SPATA24: variants seen among roughly 807,000 people sequenced by gnomAD.
The protein encoded by SPATA24 is spermatogenesis-associated protein 24.
Under a neutral mutation model 28.9 loss-of-function variants are expected in SPATA24, and 21 were observed. That is an observed-to-expected ratio of 0.73 (90% confidence interval 0.52 to 1.05). The LOEUF is 1.05. Among genes scored for constraint, SPATA24 ranks in the 50% least tolerant of loss-of-function variants. SPATA24 has a pLI of 0.00. For synonymous variants in SPATA24, 76 were observed against 89.9 expected, an observed-to-expected ratio of 0.85 and a Z score of 0.88; for missense variants, 215 against 242.9, an observed-to-expected ratio of 0.88 and a Z score of 0.76.
downstream of SPATA24, chr5:139,394,890 C>T (rs749839905): frequency 2.0e-6 from 3 of 1,512,584 alleles, no homozygotes; most frequent in East Asian, 2.6e-5. Flanking sequence ...GCGCGCCCGC[C>T]CCCCGCCCAG....
chr5:139,396,593 GA>G, downstream of SPATA24: 1 of 1,404,190 alleles, frequency 7.1e-7, no homozygotes, highest in Non-Finnish European at 9.3e-7. Context: ...GTTTATATAG[GA>G]AGGGATTAAA....
chr5:139,404,009 C>G lies in SPATA24; in HGVS notation c.52G>C (p.Ala18Pro). The G allele has an allele frequency of 3.2e-6, 5 of 1,551,918 alleles. No homozygotes were observed. The highest frequency in any genetic ancestry group is 4.4e-6 in the Non-Finnish European group (5 of 1,147,056). ...ATCACGTCCCGCAGTTGATCTAAAGCGAGACACACAGATCCTGACCCCGCC... is the reference window on the plus strand; with the variant it reads ...ATCACGTCCCGCAGTTGATCTAAAGGGAGACACACAGATCCTGACCCCGCC... ...SKAGSGSVCL[A>P]LDQLRDVIES... The change falls in exon 1 of 6, where the codon GCT becomes CCT. Residue 18 changes from alanine (A) to proline (P), a missense_variant. By Grantham distance (27) the Ala-to-Pro change is conservative (BLOSUM62 -1). Transcript: ENST00000450845.
intron 1 of SPATA24, 68 bp downstream of exon 1, chr5:139,403,876 G>T: frequency 1.5e-6 from 2 of 1,351,526 alleles, no homozygotes; most frequent in South Asian, 1.3e-5. Flanking sequence ...ATCGGAACAG[G>T]TTCTGGCCCC....
Position 139,397,096 on chromosome 5 carries a change from CT to C in SPATA24, c.432del (p.Glu145ArgfsTer?), listed in dbSNP as rs756182711. 15 of 1,551,886 alleles carry C rather than the reference CT, an allele frequency of 9.7e-6. No individual in the cohort carries two copies. The African/African-American group carries it at 1.9e-4, about 20-fold the overall frequency. On this transcript the variant is annotated frameshift_variant, in exon 5 of 6. Coordinates refer to ENST00000450845, the MANE Select transcript of SPATA24 (RefSeq NM_194296.2). LOFTEE classifies it high-confidence loss of function. ...TGCTGCAACTCTTTAATCTCATTCT[CT>C]TTGCCATTAAGTATATCTTCTTGCT... ...IIKQEDILNG[K>X]ENEIKELQQV...
chr5:139,402,781 T>C, intron 1 of SPATA24, 88 bp from the exon 2 acceptor site: 1 of 963,838 alleles, frequency 1.0e-6, no homozygotes, highest in Non-Finnish European at 1.6e-6. Context: ...GATAACAGGA[T>C]GATGCTCGTG....
At chr5:139,395,116 A>G (rs1758676408), downstream of SPATA24, 1 of 1,382,650 alleles carries the variant, frequency 7.2e-7, no homozygotes, top group Non-Finnish European at 9.4e-7. Flanking sequence ...TCTCCCTCGC[A>G]TTCGCCTCCG....
downstream of SPATA24, chr5:139,394,727 G>A: frequency 6.5e-7 from 1 of 1,531,834 alleles, no homozygotes; most frequent in Non-Finnish European, 8.7e-7. Flanking sequence ...CCGAACAGGG[G>A]TCCGACGCCG....
At chr5:139,392,647 G>A, downstream of SPATA24, 1 of 1,389,736 alleles carries the variant, frequency 7.2e-7, no homozygotes, top group South Asian at 1.7e-5. This position sits in a 1 kb window ranked among gnomAD's most constrained non-coding sequence, Gnocchi z 5.8. Flanking sequence ...TGCTATCCCA[G>A]GGCTCGGGCT....
At chr5:139,393,956 C>T (rs1405629560), downstream of SPATA24, 2 of 1,550,750 alleles carry the variant, frequency 1.3e-6, no homozygotes, top group Non-Finnish European at 1.7e-6. Context: ...ATCCTACACT[C>T]AAAAGGCGGA....
chr5:139,396,614 G>A (rs1356460740), downstream of SPATA24: 2 of 1,442,748 alleles, frequency 1.4e-6, no homozygotes, highest in South Asian at 1.4e-5. Flanking sequence ...ATACCCAAAG[G>A]AAGCGGTGGT....
chr5:139,394,516 A>G, downstream of SPATA24: 2 of 1,453,102 alleles, frequency 1.4e-6, no homozygotes, highest in East Asian at 2.7e-5. Flanking sequence ...AGCCACCTCC[A>G]CACACTCGAA....
downstream of SPATA24, chr5:139,394,262 T>C (rs1307411924): frequency 1.3e-6 from 2 of 1,544,758 alleles, no homozygotes; most frequent in South Asian, 1.2e-5. Context: ...GACCGCCCCG[T>C]GGACCCGAAG....
chr5:139,393,364 A>G (rs1414281407), downstream of SPATA24: 1 of 1,551,426 alleles, frequency 6.4e-7, no homozygotes, highest in East Asian at 2.4e-5. Context: ...TCCAAAGGCA[A>G]GATCTGAAAT....
downstream of SPATA24, chr5:139,392,785 T>A: frequency 6.9e-7 from 1 of 1,452,050 alleles, no homozygotes; most frequent in Admixed American, 2.7e-5. The surrounding 1 kb of genome is among the most constrained non-coding windows in gnomAD (Gnocchi z 5.8). Flanking sequence ...GACCAGGCGC[T>A]GGGCCTCTAC....
intron 4 of SPATA24, 114 bp from the exon 5 acceptor site, chr5:139,397,257 C>T: frequency 2.8e-6 from 2 of 705,368 alleles, no homozygotes; most frequent in Non-Finnish European, 4.9e-6. Context: ...CAAGAGTTCT[C>T]CATGAAGAAC....
chr5:139,394,073 G>A (rs777175686), downstream of SPATA24: 14 of 1,550,944 alleles, frequency 9.0e-6, no homozygotes, highest in Non-Finnish European at 1.2e-5. Context: ...GAACTAACAG[G>A]ACCCAGCGGC....
chr5:139,398,972 C>T lies in SPATA24; in HGVS notation c.386-1829G>A, dbSNP rs1235132277. On this transcript the variant is annotated intron_variant, in intron 4 of 5. Transcript: ENST00000450845. ...CCAGGAGACGGAGGTTGCAGTGAGCCGAGATCGTGCCATTGCACTTCAGCC... is the reference window on the plus strand; with the variant it reads ...CCAGGAGACGGAGGTTGCAGTGAGCTGAGATCGTGCCATTGCACTTCAGCC... Among the ~76,000 whole-genome samples the T allele has an allele frequency of 5.6e-5, 6 of 107,942 alleles. 2 individuals carry two copies. The highest frequency in any genetic ancestry group is 1.1e-4 in the African/African-American group (2 of 18,748). The allele number at this position is 107,942 out of a possible 152,430, so 70.8% of individuals were successfully genotyped here. A position where few individuals can be genotyped will look rare whatever the true frequency, so the allele number is the denominator to read the frequency against.
downstream of SPATA24, chr5:139,393,120 G>A: frequency 6.5e-7 from 1 of 1,529,816 alleles, no homozygotes; most frequent in Non-Finnish European, 8.8e-7. Flanking sequence ...CCCCGCAGGG[G>A]TCGGCAGGAG....
downstream of SPATA24, chr5:139,393,675 C>G: frequency 6.4e-7 from 1 of 1,550,882 alleles, no homozygotes; most frequent in Non-Finnish European, 8.7e-7. Flanking sequence ...GGGACGGGCT[C>G]CTTTCCCCAG....
Sources: gnomAD v4.1 joint callset for allele counts (sites outside exome capture counted in the v4.1 genomes callset) on GRCh38, gnomAD v4.1.1 for gene constraint, Gnocchi (gnomAD v3.1) non-coding constraint, MANE v1.5 for transcripts, NCBI Gene and HGNC (gene_info 2026-07-23, HGNC 2026-07-21) for gene names.